Variants in NUMA1 observed in about 807,000 individuals in gnomAD.
NUMA1 encodes nuclear mitotic apparatus protein 1, also known as SP-H antigen.
In NUMA1, 62 loss-of-function variants were observed where a neutral mutation model predicts 237.1. That is an observed-to-expected ratio of 0.26 (90% CI 0.21 to 0.32). The LOEUF is 0.32. Among genes scored for constraint, NUMA1 ranks in the 10% least tolerant of loss-of-function variants. The pLI, the probability that NUMA1 is intolerant of heterozygous loss-of-function variation, is 1.00. For synonymous variants in NUMA1, 1,028 were observed against 1,066.1 expected (o/e 0.96, Z 0.70); for missense variants, 2,533 against 2,666.5 (o/e 0.95, Z 1.10).
At chr11:72,060,747 G>A (rs1006413262) in intron 2 of NUMA1, among the ~76,000 whole-genome samples, 11 of 152,194 alleles carry the variant, frequency 7.2e-5, no homozygotes, top group African/African-American at 2.6e-4. Flanking sequence ...TACTTAGGAA[G>A]GCTTAGCGAG....
At position 72,015,418 on chromosome 11, in the gene NUMA1, C is replaced by T. The variant is rs757621770; in HGVS notation, c.2085G>A (p.Gln695=). 39 of 1,611,728 alleles carry T rather than the reference C, an allele frequency of 2.4e-5. No homozygotes were observed. The highest frequency in any genetic ancestry group is 1.3e-4 in the South Asian group (12 of 91,094). ...GCTGCTCCTGGAGCTGGTCCTTCTC[C>T]TGGGCCACCCTTTCTTTCTCAGTTG... ...QKATEKERVA[Q]EKDQLQEQLQ... The change falls in exon 15 of 27, where the codon CAG becomes CAA. Residue 695 remains glutamine, a synonymous_variant. Transcript: ENST00000393695. This position sits in a 1 kb window ranked among gnomAD's most constrained non-coding sequence, Gnocchi z 4.0.
rs769699759 is a variant in NUMA1 at position 72,010,783 on chromosome 11, C to T, written c.4719+3G>A. 3 of 1,613,276 alleles carry T rather than the reference C, an allele frequency of 1.9e-6. No individual in the cohort carries two copies. The highest frequency in any genetic ancestry group is 1.7e-6 in the Non-Finnish European group (2 of 1,179,888). ...GCCAGACCCATTCCCCCAGCTGCCC[C>T]ACCTTCAGCTTCTGCTGCTGCACCT... is the stretch of plus-strand genomic sequence containing the variant. On this transcript the variant is annotated splice_donor_region_variant and intron_variant, in intron 17 of 26. Transcript: ENST00000393695.
chr11:72,054,693 G>A (rs1395198148), intron 2 of NUMA1, among the ~76,000 whole-genome samples: 12 of 152,110 alleles, frequency 7.9e-5, no homozygotes, highest in South Asian at 2.1e-4. Flanking sequence ...AATCTAAACC[G>A]TCTTGCTATA....
chr11:72,063,761 T>C (rs756481606), intron 2 of NUMA1, among the ~76,000 whole-genome samples: 2 of 148,864 alleles, frequency 1.3e-5, no homozygotes, highest in Non-Finnish European at 3.0e-5. Context: ...TACAAAAAAT[T>C]TAAAAATTAG....
At position 72,021,296 on chromosome 11, in the gene NUMA1, G is replaced by A. The variant is rs1163323058; in HGVS notation, c.373-5C>T. 1 of 1,613,786 alleles carries A rather than the reference G, an allele frequency of 6.2e-7. No individual in the cohort carries two copies. Among genetic ancestry groups the A allele is most frequent in the Admixed American group, 1.7e-5 (1 of 60,012 alleles). On this transcript the variant is annotated splice_polypyrimidine_tract_variant and splice_region_variant and intron_variant, in intron 7 of 26. Transcript: ENST00000393695. The stretch of plus-strand genomic sequence containing the variant: ...AAGAATGACAGCCAACTCAGCCTGG[G>A]CCACAGGGAGAAAAAGAGCATCACT...
intron 4 of NUMA1, among the ~76,000 whole-genome samples, chr11:72,028,061 C>T (rs1939804946): frequency 6.6e-6 from 1 of 151,980 alleles, no homozygotes; most frequent in Non-Finnish European, 1.5e-5. Flanking sequence ...TGTAAGATAA[C>T]CCACGATCAA....
At chr11:72,061,485 CTTTTT>C (rs767581846) in intron 2 of NUMA1, among the ~76,000 whole-genome samples, 17 of 117,278 alleles carry the variant, frequency 1.4e-4, no homozygotes, top group East Asian at 7.3e-4. Context: ...TGTTTCTTTT[CTTTTT>C]TTTTTTTTTT....
At chr11:72,012,665 C>A (rs1420486082) in intron 15 of NUMA1, among the ~76,000 whole-genome samples, 1 of 135,204 alleles carries the variant, frequency 7.4e-6, no homozygotes, top group Non-Finnish European at 1.5e-5. Flanking sequence ...CACAACTTGA[C>A]TCTCTAGTGA....
intron 17 of NUMA1, among the ~76,000 whole-genome samples, chr11:72,010,434 A>G (rs932456474): frequency 2.6e-5 from 4 of 152,246 alleles, no homozygotes; most frequent in African/African-American, 9.6e-5. Context: ...AATGTTCTGT[A>G]TCTGCGCTGT....
In NUMA1 at chr11:72,005,249, TAGC is replaced by T. The variant is rs1217981689; in HGVS notation, c.5810_5812del (p.Cys1937del). On this transcript the variant is annotated inframe_deletion, in exon 23 of 27. Coordinates refer to ENST00000393695, the MANE Select transcript of NUMA1 (RefSeq NM_006185.4). Reference sequence around the variant, plus strand: ...AGGCCTCACCCTGGACTCCAGGGGATAGCAGGTCTTCAGATGTGGGGGGCACAC... The same window carrying T: ...AGGCCTCACCCTGGACTCCAGGGGATAGGTCTTCAGATGTGGGGGGCACAC... The T allele has an allele frequency of 6.2e-7, 1 of 1,602,188 alleles. No individual in the cohort carries two copies.
chr11:72,038,933 T>C (rs984749730), intron 2 of NUMA1, among the ~76,000 whole-genome samples: 2 of 152,088 alleles, frequency 1.3e-5, no homozygotes, highest in African/African-American at 4.8e-5. Context: ...TAAGGCACCC[T>C]CTCTTTTCCC....
chr11:72,042,737 A>G (rs144809637), intron 2 of NUMA1, among the ~76,000 whole-genome samples: 1 of 152,336 alleles, frequency 6.6e-6, no homozygotes, highest in East Asian at 1.9e-4. Flanking sequence ...TTATTCTGAT[A>G]TATACCTGAA....
At position 72,047,618 on chromosome 11, in the gene NUMA1, C is replaced by G. The variant is rs140634896; in HGVS notation, c.-32-11643G>C. On this transcript the variant is annotated intron_variant, in intron 2 of 26. Coordinates refer to ENST00000393695, the MANE Select transcript of NUMA1 (RefSeq NM_006185.4). ...TCCATGACCTGCAGCTTCTAGAGTT[C>G]TAGCTTCTAGAGTCGTTATTCCCTT... Among the ~76,000 whole-genome samples the G allele has an allele frequency of 5.3e-5, 8 of 152,258 alleles. No homozygotes were observed. The East Asian group carries it at 1.5e-3, about 29-fold the overall frequency.
At chr11:72,068,059 TAA>T (rs1943277877) in intron 2 of NUMA1, 1 of 152,278 alleles carries the variant, frequency 6.6e-6, no homozygotes, top group East Asian at 1.9e-4. Context: ...CATTTCTGCC[TAA>T]AAAAAGACTG....
At chr11:72,058,708 G>GT (rs1688564348) in intron 2 of NUMA1, among the ~76,000 whole-genome samples, 1 of 152,226 alleles carries the variant, frequency 6.6e-6, no homozygotes, top group South Asian at 2.1e-4. Context: ...AGAGAGCAAA[G>GT]TAACTTGGAG....
intron 4 of NUMA1, among the ~76,000 whole-genome samples, chr11:72,025,217 T>C (rs1939411395): frequency 6.6e-6 from 1 of 152,162 alleles, no homozygotes; most frequent in Non-Finnish European, 1.5e-5. Flanking sequence ...TTAGTGGTTC[T>C]TGTCTGTACT....
At chr11:72,022,297 T>C (rs761583155) in intron 7 of NUMA1, 42 bp downstream of exon 7, 2 of 1,369,972 alleles carry the variant, frequency 1.5e-6, no homozygotes, top group East Asian at 2.4e-5. Flanking sequence ...AGGTGAAGCA[T>C]GGGCTAGGCC....
intron 2 of NUMA1, among the ~76,000 whole-genome samples, chr11:72,043,412 G>C (rs181330474): frequency 1.4e-5 from 2 of 147,312 alleles, no homozygotes; most frequent in African/African-American, 5.0e-5. Context: ...ACCCAGGCTG[G>C]AGGGCAGTGG....
intron 2 of NUMA1, among the ~76,000 whole-genome samples, chr11:72,057,404 T>C (rs1287795601): frequency 4.6e-5 from 7 of 152,194 alleles, no homozygotes. Context: ...CTTTCATATT[T>C]CTTTACTTCA....
Sources: gnomAD v4.1 joint callset for allele counts (sites outside exome capture counted in the v4.1 genomes callset) on GRCh38, gnomAD v4.1.1 for gene constraint, Gnocchi (gnomAD v3.1) non-coding constraint, MANE v1.5 for transcripts, NCBI Gene and HGNC (gene_info 2026-07-23, HGNC 2026-07-21) for gene names.